The following CTSB variants were observed in gnomAD, a reference collection of about 807,000 sequenced individuals.
The protein encoded by CTSB is APP secretase.
In CTSB, 57 loss-of-function variants were observed where a neutral mutation model predicts 44.3. That is an observed-to-expected ratio of 1.29 (90% CI 1.04 to 1.60). The LOEUF (loss-of-function observed/expected upper bound fraction) is 1.60, where lower values mean the gene tolerates loss of function less well. CTSB is among the 40% of genes most tolerant of loss of function. CTSB has a pLI of 0.00. For missense variants in CTSB, 768 were observed against 443.0 expected (o/e 1.73, Z -6.59); for synonymous variants, 320 against 168.0 (o/e 1.91, Z -7.00).
chr8:11,850,895 T>C lies in CTSB; in HGVS notation c.298A>G (p.Arg100Gly). Reference protein sequence around the residue: ...WPQCPTIKEIRDQGSCGSCWA... With the variant: ...WPQCPTIKEIGDQGSCGSCWA... ...CAGGAGCCACAGGAGCCCTGGTCTCTGATCTCTTTGATGGTGGGACACTGT... is the reference window on the plus strand; with the variant it reads ...CAGGAGCCACAGGAGCCCTGGTCTCCGATCTCTTTGATGGTGGGACACTGT... The change falls in exon 4 of 10, where the codon AGA (arginine) becomes GGA (glycine). Residue 100 changes from arginine (R) to glycine (G), a missense_variant. Coordinates refer to ENST00000353047, the MANE Select transcript of CTSB (RefSeq NM_001908.5). The C allele has an allele frequency of 6.2e-7, 1 of 1,613,484 alleles. No homozygotes were observed. The highest frequency in any genetic ancestry group is 8.5e-7 in the Non-Finnish European group (1 of 1,179,590).
In CTSB at chr8:11,852,615, G is replaced by T. The variant is rs766983965; in HGVS notation, c.207C>A (p.Pro69=). 5 of 1,613,036 alleles carry T rather than the reference G, an allele frequency of 3.1e-6. No homozygotes were observed. In the Admixed American group the frequency reaches 6.7e-5, roughly 22 times the overall value. The change falls in exon 3 of 10, where the codon CCC becomes CCA. Residue 69 remains proline, a synonymous_variant. Transcript: ENST00000353047. ...GCAGAGGAGCAGGCACTCACCTCTG[G>T]GGTGGCTTGGGCCCACCCAGGAAGG... ...CGTFLGGPKP[P]QRVMFTEDLK... is the part of the protein sequence containing the mutation.
Position 11,845,320 on chromosome 8 carries a change from A to C in CTSB, c.923-98T>G, listed in dbSNP as rs374189891. ...GACCTTAAGTCACTCATCCCTGGCC[A>C]CTCCTGCTGTTGGCCCACTAGCACA... On this transcript the variant is annotated intron_variant, in intron 9 of 9. Transcript: ENST00000353047. 8.6e-6 allele frequency: 8 copies of C among 932,596 alleles called. No homozygotes were observed. In the East Asian group the frequency reaches 1.0e-4, roughly 12 times the overall value. The allele number at this position is 932,596 out of a possible 1,614,324, so 57.8% of individuals were successfully genotyped here.
At chr8:11,863,513 A>C (rs1816709493) in intron 1 of CTSB, among the ~76,000 whole-genome samples, 1 of 152,168 alleles carries the variant, frequency 6.6e-6, no homozygotes, top group Non-Finnish European at 1.5e-5. Flanking sequence ...CAATAAAAAC[A>C]GGAAAAGTGT....
Position 11,847,115 on chromosome 8 carries a change from A to G in CTSB, c.730T>C (p.Tyr244His). The stretch of plus-strand genomic sequence containing the variant: ...GCTCCCTCCACGGGGCCGTTTTTGT[A>G]GATCTCGGCCATGATGTCCTTCTCG... The part of the protein sequence containing the change: ...NSEKDIMAEI[Y>H]KNGPVEGAFS... Residue 244 changes from tyrosine to histidine, a missense_variant, in exon 8 of 10, where the codon TAC becomes CAC. Physicochemically the swap from Tyr to His is moderately conservative, Grantham distance 83 (BLOSUM62 2). Coordinates refer to ENST00000353047, the MANE Select transcript of CTSB (RefSeq NM_001908.5). 6.2e-7 allele frequency: 1 copy of G among 1,609,252 alleles called. No homozygotes were observed. The highest frequency in any genetic ancestry group is 8.5e-7 in the Non-Finnish European group (1 of 1,177,022).
intron 3 of CTSB, 131 bp from the exon 4 acceptor site, chr8:11,851,111 C>G (rs1341293930): frequency 2.0e-6 from 1 of 491,986 alleles, no homozygotes; most frequent in Non-Finnish European, 3.8e-6. Context: ...AAGAAGGCTG[C>G]AGACAGGTGT....
Position 11,853,361 on chromosome 8 carries a change from T to C in CTSB, c.94A>G (p.Asn32Asp). ...GTGGTATTCCGTTTGTTGACATAGT[T>C]GACCAGCTCATCCGACAGGGGATGG... ...SFHPLSDELV[N>D]YVNKRNTTWQ... The change falls in exon 2 of 10, where the codon AAC becomes GAC. Residue 32 changes from asparagine to aspartate, a missense_variant. Asn to Asp is a conservative substitution (Grantham distance 23). Transcript: ENST00000353047. The C allele has an allele frequency of 6.2e-7, 1 of 1,613,236 alleles. No homozygotes were observed. The highest frequency in any genetic ancestry group is 8.5e-7 in the Non-Finnish European group (1 of 1,179,854).
chr8:11,847,156 T>G lies in CTSB; in HGVS notation c.689A>C (p.Tyr230Ser). Reference sequence around the variant, plus strand: ...GTCCTTCTCGCTATTGGAGACGCTGTAGGAATTGTATCCTGGAAAATGAAC... The same window carrying G: ...GTCCTTCTCGCTATTGGAGACGCTGGAGGAATTGTATCCTGGAAAATGAAC... ...KQDKHYGYNS[Y>S]SVSNSEKDIM... Residue 230 changes from tyrosine (Y) to serine (S), a missense_variant, in exon 8 of 10, where the codon TAC becomes TCC. Physicochemically the swap from Tyr to Ser is moderately radical, Grantham distance 144. Coordinates refer to ENST00000353047, the MANE Select transcript of CTSB (RefSeq NM_001908.5). 1 of 1,610,584 alleles carries G rather than the reference T, an allele frequency of 6.2e-7. No individual in the cohort carries two copies. The highest frequency in any genetic ancestry group is 8.5e-7 in the Non-Finnish European group (1 of 1,176,832).
chr8:11,849,579 G>GTT (rs376850621), intron 4 of CTSB: 47,022 of 143,622 alleles, frequency 0.33, 7,844 homozygotes, highest in East Asian at 0.5. Context: ...TGTGTGTGTG[G>GTT]TTTTTTTTTT....
chr8:11,862,168 C>T (rs1816523295), intron 1 of CTSB, among the ~76,000 whole-genome samples: 1 of 150,496 alleles, frequency 6.6e-6, no homozygotes. Context: ...GATCACGCCA[C>T]TGCACTCCAG....
intron 1 of CTSB, 91 bp downstream of exon 1, chr8:11,867,910 A>G (rs147906816): frequency 0.039 from 5,866 of 148,660 alleles, 173 homozygotes; most frequent in African/African-American, 0.069. Context: ...GGCCCGACTG[A>G]GGGCGCAGAG....
In CTSB at chr8:11,853,374, C is replaced by A. The variant is rs144070273; in HGVS notation, c.81G>T (p.Ser27=). ...ARSRPSFHPL[S]DELVNYVNKR... is the part of the protein sequence containing the mutation. ...TGTTGACATAGTTGACCAGCTCATCCGACAGGGGATGGAAAGAGGGCCTGC... is the reference window on the plus strand; with the variant it reads ...TGTTGACATAGTTGACCAGCTCATCAGACAGGGGATGGAAAGAGGGCCTGC... Residue 27 remains serine, a synonymous_variant, in exon 2 of 10, where the codon TCG becomes TCT. Transcript: ENST00000353047. 16 of 1,612,978 alleles carry A rather than the reference C, an allele frequency of 9.9e-6. No homozygotes were observed. The highest frequency in any genetic ancestry group is 4.4e-5 in the South Asian group (4 of 91,004).
chr8:11,847,600 C>G (rs1239971946), intron 7 of CTSB, 79 bp downstream of exon 7: 2 of 1,466,814 alleles, frequency 1.4e-6, no homozygotes, highest in Non-Finnish European at 1.8e-6. Flanking sequence ...CAGCCCTGAC[C>G]TCTTCGCTGC....
chr8:11,847,210 C>A (rs1692817), intron 7 of CTSB, 42 bp from the exon 8 acceptor site: 309,269 of 1,309,000 alleles, frequency 0.24, 39,592 homozygotes, highest in Non-Finnish European at 0.26. Context: ...GGGCAGTGAC[C>A]GTGCCTCGTG....
Position 11,849,028 on chromosome 8 carries a change from A to G in CTSB, c.446+18T>C. ...TCTCTCAGCACTAAACCCGCTGTGG[A>G]AGCACAGCCTGACTCACCCGTCCCC... On this transcript the variant is annotated intron_variant, in intron 5 of 9. Coordinates refer to ENST00000353047, the MANE Select transcript of CTSB (RefSeq NM_001908.5). The G allele has an allele frequency of 6.3e-7, 1 of 1,588,252 alleles. No homozygotes were observed. The highest frequency in any genetic ancestry group is 8.6e-7 in the Non-Finnish European group (1 of 1,157,778).
rs1312320616 is a variant in CTSB, at chr8:11,843,058, C to T, written c.*2067G>A. On this transcript the variant is annotated 3_prime_UTR_variant, in exon 10 of 10. Coordinates refer to ENST00000353047, the MANE Select transcript of CTSB (RefSeq NM_001908.5). Reference sequence around the variant, plus strand: ...CCGCCTCCCGGGTTCAAGCGATTCTCCTGCCTCAGCCTCCCAAGTAGCTGG... The same window carrying T: ...CCGCCTCCCGGGTTCAAGCGATTCTTCTGCCTCAGCCTCCCAAGTAGCTGG... The T allele has an allele frequency of 6.6e-6, 1 of 151,584 alleles. No individual in the cohort carries two copies. Among genetic ancestry groups the T allele is most frequent in the African/African-American group, 2.4e-5 (1 of 41,080 alleles). 9.4% of individuals were successfully genotyped at this position (151,584 alleles called of 1,614,324 possible).
At chr8:11,845,290 T>A in intron 9 of CTSB, 68 bp from the exon 10 acceptor site, 2 of 1,200,010 alleles carry the variant, frequency 1.7e-6, no homozygotes, top group Non-Finnish European at 2.4e-6. Flanking sequence ...GACTCATCCT[T>A]AAAAGACCTT....
intron 1 of CTSB, chr8:11,854,761 G>C: frequency 6.6e-6 from 1 of 152,346 alleles, no homozygotes; most frequent in African/African-American, 2.4e-5. Context: ...GATTACAGGT[G>C]TGAGCCACCG....
chr8:11,861,654 C>G (rs1816434215), intron 1 of CTSB, among the ~76,000 whole-genome samples: 1 of 152,220 alleles, frequency 6.6e-6, no homozygotes, highest in East Asian at 1.9e-4. Context: ...GTTCTGAAAG[C>G]TTTTACTCCC....
chr8:11,856,013 G>A (rs938808163), intron 1 of CTSB, among the ~76,000 whole-genome samples: 23 of 152,034 alleles, frequency 1.5e-4, no homozygotes, highest in African/African-American at 5.6e-4. Context: ...GGGTGACAGT[G>A]AGACTCTGCC....
Sources: allele counts gnomAD v4.1 joint callset (sites outside exome capture counted in the v4.1 genomes callset), GRCh38; gene constraint gnomAD v4.1.1; transcripts MANE v1.5; gene names NCBI Gene and HGNC (gene_info 2026-07-23, HGNC 2026-07-21).